The following REPS1 variants were observed in gnomAD, a reference collection of about 807,000 sequenced individuals.
The protein encoded by REPS1 is RALBP1 associated Eps domain containing 1, also known as ralBP1-associated Eps domain-containing protein 1.
A neutral mutation model predicts 100.9 loss-of-function variants in REPS1; 39 were observed. That is an observed-to-expected ratio of 0.39 (90% CI 0.30 to 0.50). REPS1 has a LOEUF of 0.50. Among genes scored for constraint, REPS1 ranks in the 20% least tolerant of loss-of-function variants. The probability of loss-of-function intolerance (pLI) is 0.86; values close to 1 mark genes in which losing one functional copy is unlikely to be tolerated. For synonymous variants in REPS1, 324 were observed against 340.3 expected (o/e 0.95, Z 0.53); for missense variants, 821 against 968.5 (o/e 0.85, Z 2.02).
At chr6:138,950,726 CAT>C (rs1391874838) in intron 1 of REPS1, among the ~76,000 whole-genome samples, 1 of 152,150 alleles carries the variant, frequency 6.6e-6, no homozygotes, top group Non-Finnish European at 1.5e-5. Flanking sequence ...GAATTATCCT[CAT>C]ATACTTATTT....
intron 12 of REPS1, among the ~76,000 whole-genome samples, chr6:138,917,897 T>C (rs1287716410): frequency 1.3e-5 from 2 of 152,146 alleles, no homozygotes; most frequent in East Asian, 3.8e-4. Context: ...AGTCACAAAA[T>C]AGTACATATA....
intron 8 of REPS1, among the ~76,000 whole-genome samples, chr6:138,939,543 G>T (rs972689585): frequency 6.6e-6 from 1 of 152,126 alleles, no homozygotes; most frequent in African/African-American, 2.4e-5. Context: ...AAATATAACA[G>T]ACGACAGAAT....
At chr6:138,969,442 A>G (rs1252460819) in intron 1 of REPS1, among the ~76,000 whole-genome samples, 1 of 147,002 alleles carries the variant, frequency 6.8e-6, no homozygotes, top group Non-Finnish European at 1.5e-5. Context: ...ACACCACTGC[A>G]GCTGGCCAAT....
intron 1 of REPS1, among the ~76,000 whole-genome samples, chr6:138,969,017 A>G (rs1475032937): frequency 6.6e-6 from 1 of 152,034 alleles, no homozygotes; most frequent in Non-Finnish European, 1.5e-5. Flanking sequence ...TCAAGTACAC[A>G]CCCGTATCTG....
intron 1 of REPS1, among the ~76,000 whole-genome samples, chr6:138,964,719 T>C (rs1225926672): frequency 6.6e-6 from 1 of 151,946 alleles, no homozygotes; most frequent in Non-Finnish European, 1.5e-5. Flanking sequence ...ATAAAAACAG[T>C]ATATTTCTCA....
At chr6:138,938,873 A>C (rs1260987465) in intron 8 of REPS1, among the ~76,000 whole-genome samples, 1 of 149,540 alleles carries the variant, frequency 6.7e-6, no homozygotes, top group African/African-American at 2.5e-5. Flanking sequence ...TTTTAGATGG[A>C]GCCTCACTCT....
chr6:138,982,595 A>G lies in REPS1; in HGVS notation c.153+4935T>C, dbSNP rs77575684. Among the ~76,000 whole-genome samples the G allele has an allele frequency of 7.6e-3, 1,155 of 152,376 alleles. 9 individuals carry two copies. Among genetic ancestry groups the G allele is most frequent in the African/African-American group, 0.026 (1,067 of 41,590 alleles). ...TTTGGGAAAAGCTGACTTTTAAGCC[A>G]CAACACTGAATATTTTCTTGCTCGG... is the stretch of plus-strand genomic sequence containing the variant. On this transcript the variant is annotated intron_variant, in intron 1 of 19. Transcript: ENST00000450536.
intron 1 of REPS1, among the ~76,000 whole-genome samples, chr6:138,984,233 G>A (rs1785126429): frequency 1.3e-5 from 2 of 151,968 alleles, no homozygotes; most frequent in Non-Finnish European, 2.9e-5. Context: ...ACAGGCATGC[G>A]CCACCACATG....
intron 11 of REPS1, among the ~76,000 whole-genome samples, chr6:138,920,786 A>C (rs1780705051): frequency 6.6e-6 from 1 of 152,258 alleles, no homozygotes; most frequent in Non-Finnish European, 1.5e-5. Context: ...TAAATTTACA[A>C]GGATGAACAT....
chr6:138,954,169 G>C (rs1783227382), intron 1 of REPS1, among the ~76,000 whole-genome samples: 1 of 151,694 alleles, frequency 6.6e-6, no homozygotes, highest in African/African-American at 2.4e-5. Flanking sequence ...AGTATACCAA[G>C]GCTACGAAGG....
chr6:138,971,472 G>GA (rs146335119), intron 1 of REPS1, among the ~76,000 whole-genome samples: 13,217 of 148,270 alleles, frequency 0.089, 1,205 homozygotes, highest in African/African-American at 0.23. Flanking sequence ...TATATTTTAT[G>GA]AAAAAAAAAA....
chr6:138,959,328 C>T (rs1783591719), intron 1 of REPS1, among the ~76,000 whole-genome samples: 1 of 152,032 alleles, frequency 6.6e-6, no homozygotes, highest in Non-Finnish European at 1.5e-5. Context: ...AGTAGATGCT[C>T]AATTACATGT....
intron 1 of REPS1, among the ~76,000 whole-genome samples, chr6:138,964,269 A>T (rs1484760455): frequency 1.3e-5 from 2 of 151,616 alleles, no homozygotes; most frequent in Non-Finnish European, 2.9e-5. Flanking sequence ...TCCATTTTAC[A>T]TTTCAACCAC....
chr6:138,984,179 T>C (rs971175085), intron 1 of REPS1, among the ~76,000 whole-genome samples: 1 of 151,402 alleles, frequency 6.6e-6, no homozygotes, highest in Non-Finnish European at 1.5e-5. Context: ...TCCTCCCAGG[T>C]TCTAAGTGAT....
At chr6:138,961,434 C>A (rs1353518931) in intron 1 of REPS1, among the ~76,000 whole-genome samples, 1 of 151,930 alleles carries the variant, frequency 6.6e-6, no homozygotes, top group Non-Finnish European at 1.5e-5. Flanking sequence ...AGACGGGGAT[C>A]CAGGATGGTC....
Position 138,966,801 on chromosome 6 carries a change from T to G in REPS1, c.154-18888A>C, listed in dbSNP as rs532664088. On this transcript the variant is annotated intron_variant, in intron 1 of 19. Coordinates refer to ENST00000450536, the MANE Select transcript of REPS1 (RefSeq NM_001286611.2). ...CTTCTGCCTAAAAAAAAGAAAACGG[T>G]GAATTTTATCTCTAAGGTCCCTTCT... Among the ~76,000 whole-genome samples, 374 of 152,248 alleles carry G rather than the reference T, an allele frequency of 2.5e-3. 1 individual carries two copies. Among genetic ancestry groups the G allele is most frequent in the African/African-American group, 8.5e-3 (354 of 41,546 alleles).
rs1779992788 is a variant in REPS1 at position 138,911,380 on chromosome 6, G to A, written c.1972-9C>T. Reference sequence around the variant, plus strand: ...TCAGAAGCTTTTTCAGCCTAAAAATGAATATGTTTATCACTATTAATTCTA... The same window carrying A: ...TCAGAAGCTTTTTCAGCCTAAAAATAAATATGTTTATCACTATTAATTCTA... On this transcript the variant is annotated splice_polypyrimidine_tract_variant and intron_variant, in intron 16 of 19. Transcript: ENST00000450536. 1 of 1,565,586 alleles carries A rather than the reference G, an allele frequency of 6.4e-7. No individual in the cohort carries two copies. The highest frequency in any genetic ancestry group is 2.2e-5 in the East Asian group (1 of 44,568).
At chr6:138,950,972 G>T (rs533143258) in intron 1 of REPS1, 1 of 152,216 alleles carries the variant, frequency 6.6e-6, no homozygotes, top group Non-Finnish European at 1.5e-5. Context: ...GGCGAATTAC[G>T]AAGTCAGGAG....
At chr6:138,909,798 ATC>A (rs1299628568) in intron 17 of REPS1, among the ~76,000 whole-genome samples, 1 of 119,186 alleles carries the variant, frequency 8.4e-6, no homozygotes, top group East Asian at 2.2e-4. Flanking sequence ...AGTCAATTAA[ATC>A]TCTTTTGTTT....
Sources: allele counts gnomAD v4.1 joint callset (sites outside exome capture counted in the v4.1 genomes callset), GRCh38; gene constraint gnomAD v4.1.1; transcripts MANE v1.5; gene names NCBI Gene and HGNC (gene_info 2026-07-23, HGNC 2026-07-21).